Variants in RCAN2 observed in about 807,000 individuals in gnomAD.
RCAN2 encodes the protein regulator of calcineurin 2, also known as calcipressin-2.
In RCAN2, 9 loss-of-function variants were observed where a neutral mutation model predicts 23.6. The ratio of observed to expected loss-of-function variants is 0.38; its 90% confidence interval spans 0.23 to 0.67. The LOEUF is 0.67. RCAN2 is among the 30% of genes least tolerant of loss of function. RCAN2 has a pLI of 0.51. For synonymous variants in RCAN2, 109 were observed against 115.7 expected (o/e 0.94, Z 0.37); for missense variants, 273 against 302.3 (o/e 0.90, Z 0.72).
At chr6:46,376,572 C>T (rs1765465502) in intron 2 of RCAN2, among the ~76,000 whole-genome samples, 1 of 152,036 alleles carries the variant, frequency 6.6e-6, no homozygotes, top group African/African-American at 2.4e-5. Flanking sequence ...CCCAGCTACT[C>T]GGGAGGCTGA....
At chr6:46,488,165 A>G (rs1296793999) in intron 1 of RCAN2, among the ~76,000 whole-genome samples, 1 of 152,242 alleles carries the variant, frequency 6.6e-6, no homozygotes, top group Non-Finnish European at 1.5e-5. Flanking sequence ...AATTATTTTA[A>G]TGCTATTAAT....
chr6:46,351,083 T>C (rs530728927), intron 2 of RCAN2, among the ~76,000 whole-genome samples: 272 of 152,324 alleles, frequency 1.8e-3, no homozygotes, highest in African/African-American at 6.3e-3. Flanking sequence ...TATCATTATA[T>C]CTATATGATC....
chr6:46,292,047 A>C (rs1762579031), intron 2 of RCAN2, among the ~76,000 whole-genome samples: 1 of 152,182 alleles, frequency 6.6e-6, no homozygotes, highest in Non-Finnish European at 1.5e-5. Flanking sequence ...AAAGCCTTAA[A>C]ATGCAGATAC....
rs140406418 is a variant in RCAN2 at position 46,474,756 on chromosome 6, G to T, written c.-3+16417C>A. 7.8e-3 allele frequency among the ~76,000 whole-genome samples: 1,187 copies of T among 152,254 alleles called. 67 individuals carry two copies. Among genetic ancestry groups the T allele is most frequent in the Admixed American group, 0.071 (1,092 of 15,298 alleles). On this transcript the variant is annotated intron_variant, in intron 1 of 4. Transcript: ENST00000371374. ...ACTTTGATCTCCAGATTGGAGTTCCGCTGCCTTCAAAAGTTCAGTTCCAAA... is the reference window on the plus strand; with the variant it reads ...ACTTTGATCTCCAGATTGGAGTTCCTCTGCCTTCAAAAGTTCAGTTCCAAA...
chr6:46,324,971 C>T (rs187522446), intron 2 of RCAN2, among the ~76,000 whole-genome samples: 1 of 152,340 alleles, frequency 6.6e-6, no homozygotes, highest in East Asian at 1.9e-4. Context: ...AAGTGACATG[C>T]CAGAAAGGGT....
intron 2 of RCAN2, among the ~76,000 whole-genome samples, chr6:46,405,075 A>G (rs1766358920): frequency 6.6e-6 from 1 of 152,194 alleles, no homozygotes. Flanking sequence ...TCTTGATCTC[A>G]CCGACTTCAA....
chr6:46,278,137 C>T (rs1164269128), intron 2 of RCAN2, among the ~76,000 whole-genome samples: 1 of 152,062 alleles, frequency 6.6e-6, no homozygotes, highest in Non-Finnish European at 1.5e-5. Flanking sequence ...AAAGATGTCA[C>T]CTAAGACATC....
chr6:46,433,305 G>A (rs943288142), intron 2 of RCAN2, among the ~76,000 whole-genome samples: 2 of 152,108 alleles, frequency 1.3e-5, no homozygotes, highest in Non-Finnish European at 2.9e-5. Flanking sequence ...CTCAGCAGGT[G>A]TTAGACAGAA....
rs181053441 is a variant in RCAN2, at chr6:46,473,255, G to A, written c.-2-16277C>T. 2.2e-4 allele frequency among the ~76,000 whole-genome samples: 34 copies of A among 151,828 alleles called. No individual in the cohort carries two copies. In the East Asian group the frequency reaches 4.8e-3, roughly 22 times the overall value. On this transcript the variant is annotated intron_variant, in intron 1 of 4. Coordinates refer to ENST00000371374, the MANE Select transcript of RCAN2 (RefSeq NM_001251974.2). The stretch of plus-strand genomic sequence containing the variant: ...TCTTTTGCCACATACAATATCTTAC[G>A]GTATACTGTTTGATCCTCCATGATA...
At chr6:46,458,889 G>GCA (rs1582219266) in intron 1 of RCAN2, among the ~76,000 whole-genome samples, 1 of 109,126 alleles carries the variant, frequency 9.2e-6, no homozygotes, top group Non-Finnish European at 2.2e-5. Context: ...AGGAAAACGC[G>GCA]CGCGCACGTG....
intron 2 of RCAN2, among the ~76,000 whole-genome samples, chr6:46,433,683 C>T (rs1767280674): frequency 6.6e-6 from 1 of 152,090 alleles, no homozygotes; most frequent in Admixed American, 6.6e-5. Context: ...TCAAGAGCCT[C>T]CAGAAGGAAT....
intron 2 of RCAN2, among the ~76,000 whole-genome samples, chr6:46,427,493 A>G (rs1243373542): frequency 6.6e-6 from 1 of 152,248 alleles, no homozygotes; most frequent in Non-Finnish European, 1.5e-5. Flanking sequence ...CCAGGAATAT[A>G]GTGTTCAGAA....
intron 2 of RCAN2, among the ~76,000 whole-genome samples, chr6:46,369,648 A>G (rs1254747243): frequency 1.3e-5 from 2 of 152,174 alleles, no homozygotes; most frequent in Non-Finnish European, 2.9e-5. Flanking sequence ...CAACATTTGC[A>G]ATTGCAATTT....
At chr6:46,401,638 C>T (rs948807643) in intron 2 of RCAN2, among the ~76,000 whole-genome samples, 6 of 152,130 alleles carry the variant, frequency 3.9e-5, no homozygotes, top group African/African-American at 1.2e-4. Flanking sequence ...GCGAACTATA[C>T]GGGTGGAAGT....
intron 2 of RCAN2, among the ~76,000 whole-genome samples, chr6:46,447,451 C>A (rs1280422154): frequency 6.6e-6 from 1 of 151,764 alleles, no homozygotes; most frequent in Non-Finnish European, 1.5e-5. Context: ...GACAGAATAT[C>A]AATAAGGAAA....
intron 2 of RCAN2, among the ~76,000 whole-genome samples, chr6:46,443,843 C>G (rs907493808): frequency 1.3e-5 from 2 of 152,166 alleles, no homozygotes; most frequent in Non-Finnish European, 2.9e-5. Flanking sequence ...TTGGAACCTG[C>G]TTTCCACAGT....
intron 2 of RCAN2, among the ~76,000 whole-genome samples, chr6:46,297,575 G>A (rs1255415356): frequency 6.6e-6 from 1 of 152,064 alleles, no homozygotes; most frequent in Non-Finnish European, 1.5e-5. Flanking sequence ...TTTCCCACAA[G>A]TAGAGGCACA....
chr6:46,472,505 C>T (rs1209690290), intron 1 of RCAN2, among the ~76,000 whole-genome samples: 1 of 152,088 alleles, frequency 6.6e-6, no homozygotes, highest in Non-Finnish European at 1.5e-5. Flanking sequence ...CATCCCATTC[C>T]CCTGTGCTCA....
intron 2 of RCAN2, among the ~76,000 whole-genome samples, chr6:46,363,259 T>C (rs2150384690): frequency 6.6e-6 from 1 of 152,276 alleles, no homozygotes. Context: ...TTGTCTTGTG[T>C]GTATCATGAT....
Sources: allele counts gnomAD v4.1 joint callset (sites outside exome capture counted in the v4.1 genomes callset), GRCh38; gene constraint gnomAD v4.1.1; transcripts MANE v1.5; gene names NCBI Gene and HGNC (gene_info 2026-07-23, HGNC 2026-07-21).